TRIM2: variants seen among roughly 807,000 people sequenced by gnomAD.
TRIM2 encodes the protein tripartite motif containing 2, also known as tripartite motif-containing protein 2.
In TRIM2, 20 loss-of-function variants were observed where a neutral mutation model predicts 75.2. The observed-to-expected ratio is 0.27, with a 90% CI of 0.19 to 0.39. TRIM2 has a LOEUF of 0.39. TRIM2 is among the 10% of genes least tolerant of loss of function. The pLI is 1.00. For synonymous variants in TRIM2, 373 were observed against 388.3 expected (o/e 0.96, Z 0.46); for missense variants, 660 against 990.8 (o/e 0.67, Z 4.48).
At chr4:153,316,359 T>G (rs186887195) in intron 8 of TRIM2, among the ~76,000 whole-genome samples, 4 of 152,216 alleles carry the variant, frequency 2.6e-5, no homozygotes, top group Admixed American at 2.6e-4. Flanking sequence ...AGTCTACATG[T>G]TGTCACTTAG....
intron 1 of TRIM2, among the ~76,000 whole-genome samples, chr4:153,205,117 C>T (rs965252640): frequency 2.6e-5 from 4 of 152,212 alleles, no homozygotes; most frequent in African/African-American, 7.2e-5. Context: ...TCAAAGGGTA[C>T]TATGTCCCTC....
chr4:153,288,766 C>T (rs775068784), intron 3 of TRIM2, among the ~76,000 whole-genome samples: 76 of 150,732 alleles, frequency 5.0e-4, no homozygotes, highest in Middle Eastern at 3.4e-3. Flanking sequence ...GGTTTTGTTA[C>T]TTTTTCTTCC....
At position 153,335,825 on chromosome 4, in the gene TRIM2, C is replaced by G; in HGVS notation, c.*859C>G. On this transcript the variant is annotated 3_prime_UTR_variant, in exon 12 of 12. Transcript: ENST00000338700. ...TACCATGTTTTCACACGTGTCTCTT[C>G]TCTTCGACTTCCTGAAAGCGAAAGC... is the stretch of plus-strand genomic sequence containing the variant. 1 of 985,816 alleles carries G rather than the reference C, an allele frequency of 1.0e-6. No individual in the cohort carries two copies. The highest frequency in any genetic ancestry group is 5.2e-4 in the Middle Eastern group (1 of 1,914). 61.1% of individuals were successfully genotyped at this position (985,816 alleles called of 1,614,324 possible).
At chr4:153,258,832 G>A (rs1752706095) in intron 1 of TRIM2, among the ~76,000 whole-genome samples, 1 of 152,164 alleles carries the variant, frequency 6.6e-6, no homozygotes, top group African/African-American at 2.4e-5. Flanking sequence ...ATTCAGTTCT[G>A]CCTAGTGTGA....
chr4:153,328,790 G>A, intron 11 of TRIM2, 120 bp downstream of exon 11: 1 of 1,129,090 alleles, frequency 8.9e-7, no homozygotes, highest in Non-Finnish European at 1.2e-6. Context: ...TAGAACCATA[G>A]ATACTCTCAC....
intron 1 of TRIM2, among the ~76,000 whole-genome samples, chr4:153,258,245 G>A (rs143091853): frequency 2.6e-5 from 4 of 152,206 alleles, no homozygotes; most frequent in African/African-American, 4.8e-5. Flanking sequence ...CATAATGCAT[G>A]ACTCGACCCT....
chr4:153,301,800 G>T (rs533618596), intron 6 of TRIM2, among the ~76,000 whole-genome samples: 1 of 152,134 alleles, frequency 6.6e-6, no homozygotes, highest in Non-Finnish European at 1.5e-5. Flanking sequence ...AACTATAAAT[G>T]TATGGATTTA....
chr4:153,316,834 C>G lies in TRIM2; in HGVS notation c.1782+835C>G, dbSNP rs112601891. Among the ~76,000 whole-genome samples, 840 of 146,130 alleles carry G rather than the reference C, an allele frequency of 5.7e-3. 8 individuals are homozygous for G. Among genetic ancestry groups the G allele is most frequent in the African/African-American group, 0.02 (788 of 38,794 alleles). On this transcript the variant is annotated intron_variant, in intron 8 of 11. Transcript: ENST00000338700. ...TTGCTCATAAAAAAATTGTGAGACA[C>G]GTCGTCAAAGATCTTTGTAAGGGCC...
intron 1 of TRIM2, among the ~76,000 whole-genome samples, chr4:153,209,991 TTTTCAAGATAC>T (rs1736515971): frequency 6.6e-6 from 1 of 152,182 alleles, no homozygotes; most frequent in Non-Finnish European, 1.5e-5. Flanking sequence ...GCATTTGTGC[TTTTCAAGATAC>T]TTTCAAATCC....
At chr4:153,247,315 A>G (rs62323709) in intron 1 of TRIM2, among the ~76,000 whole-genome samples, 18,419 of 152,212 alleles carry the variant, frequency 0.12, 1,339 homozygotes, top group South Asian at 0.28. Context: ...TGTCAAAAAC[A>G]GCAGGGAGAC....
At chr4:153,281,723 T>G (rs1348397011) in intron 3 of TRIM2, among the ~76,000 whole-genome samples, 1 of 152,262 alleles carries the variant, frequency 6.6e-6, no homozygotes, top group East Asian at 1.9e-4. Context: ...ACTATCTGTC[T>G]TCTAATTAAA....
chr4:153,336,116 TTATA>T lies in TRIM2; in HGVS notation c.*1165_*1168del, dbSNP rs34423384. ...CATGATTAGGGTAAGATAGAATGTA[TTATA>T]TATATATATATATACACACACACAT... On this transcript the variant is annotated 3_prime_UTR_variant, in exon 12 of 12. Transcript: ENST00000338700. 46 of 913,688 alleles carry T rather than the reference TTATA, an allele frequency of 5.0e-5. No individual in the cohort carries two copies. Among genetic ancestry groups the T allele is most frequent in the Middle Eastern group, 5.7e-4 (1 of 1,764 alleles). The allele number at this position is 913,688 out of a possible 1,614,324, so 56.6% of individuals were successfully genotyped here. A position where few individuals can be genotyped will look rare whatever the true frequency, so the allele number is the denominator to read the frequency against.
chr4:153,211,068 C>A (rs1736861727), intron 1 of TRIM2, among the ~76,000 whole-genome samples: 1 of 152,186 alleles, frequency 6.6e-6, no homozygotes, highest in Non-Finnish European at 1.5e-5. Context: ...TCAGGAAACA[C>A]AGGCTTCCAA....
At chr4:153,307,964 G>C in intron 6 of TRIM2, 1 of 757,526 alleles carries the variant, frequency 1.3e-6, no homozygotes, top group Non-Finnish European at 2.5e-6. Flanking sequence ...CGAAATACAG[G>C]GGCTTGTTCT....
In TRIM2 at chr4:153,335,462, T is replaced by C; in HGVS notation, c.*496T>C. 1.0e-6 allele frequency: 1 copy of C among 985,476 alleles called. No homozygotes were observed. Among genetic ancestry groups the C allele is most frequent in the Non-Finnish European group, 1.2e-6 (1 of 829,946 alleles). 61.0% of individuals were successfully genotyped at this position (985,476 alleles called of 1,614,324 possible). A position where few individuals can be genotyped will look rare whatever the true frequency, so the allele number is the denominator to read the frequency against. On this transcript the variant is annotated 3_prime_UTR_variant, in exon 12 of 12. Transcript: ENST00000338700. Reference sequence around the variant, plus strand: ...TACTCTTGTGACATTTTTTTGGTTATCAACAACTAAATATAAATTACTTTG... The same window carrying C: ...TACTCTTGTGACATTTTTTTGGTTACCAACAACTAAATATAAATTACTTTG...
chr4:153,236,637 T>C (rs1249738454), intron 1 of TRIM2, among the ~76,000 whole-genome samples: 1 of 150,402 alleles, frequency 6.6e-6, no homozygotes, highest in Non-Finnish European at 1.5e-5. Flanking sequence ...TGGCAAGTTG[T>C]TTGAGTCTGA....
chr4:153,295,299 C>G lies in TRIM2; in HGVS notation c.787-14C>G. 6.4e-7 allele frequency: 1 copy of G among 1,566,982 alleles called. No homozygotes were observed. Among genetic ancestry groups the G allele is most frequent in the Non-Finnish European group, 8.6e-7 (1 of 1,156,962 alleles). On this transcript the variant is annotated splice_polypyrimidine_tract_variant and intron_variant, in intron 5 of 11. Transcript: ENST00000338700. The surrounding 1 kb of genome is among the most constrained non-coding windows in gnomAD (Gnocchi z 7.2). ...CTGTGGGACGAGCTCACCAGGCCTC[C>G]GGTTTTCCCGCAGGTCCTCCAGTCG...
At position 153,295,238 on chromosome 4, in the gene TRIM2, G is replaced by T. The variant is rs1350962550; in HGVS notation, c.787-75G>T. 1.8e-5 allele frequency: 26 copies of T among 1,458,638 alleles called. No homozygotes were observed. The highest frequency in any genetic ancestry group is 1.0e-4 in the South Asian group (7 of 67,894). 90.4% of individuals were successfully genotyped at this position (1,458,638 alleles called of 1,614,324 possible). On this transcript the variant is annotated intron_variant, in intron 5 of 11. Coordinates refer to ENST00000338700, the MANE Select transcript of TRIM2 (RefSeq NM_015271.5). The surrounding 1 kb of genome is among the most constrained non-coding windows in gnomAD (Gnocchi z 7.2). The stretch of plus-strand genomic sequence containing the variant: ...TGGGCAGGTGTAGAGTCTCCTTCTC[G>T]CCGGTGGAGGGCACTGCCCCGGGCT...
At chr4:153,254,501 T>C (rs955272279) in intron 1 of TRIM2, among the ~76,000 whole-genome samples, 1 of 152,198 alleles carries the variant, frequency 6.6e-6, no homozygotes, top group Non-Finnish European at 1.5e-5. Flanking sequence ...TCTCTGCCCT[T>C]GAGACCCCCG....
Sources: gnomAD v4.1 joint callset for allele counts (sites outside exome capture counted in the v4.1 genomes callset) on GRCh38, gnomAD v4.1.1 for gene constraint, Gnocchi (gnomAD v3.1) non-coding constraint, MANE v1.5 for transcripts, NCBI Gene and HGNC (gene_info 2026-07-23, HGNC 2026-07-21) for gene names.